HMGB1: variants seen among roughly 807,000 people sequenced by gnomAD.
HMGB1 encodes the protein high mobility group box 1, also known as high mobility group protein B1.
For missense variants in HMGB1, 79 were observed against 253.5 expected, an observed-to-expected ratio of 0.31 and a Z score of 4.67; for synonymous variants, 81 against 84.0, an observed-to-expected ratio of 0.96 and a Z score of 0.19.
intron 1 of HMGB1, among the ~76,000 whole-genome samples, chr13:30,561,971 T>C (rs1869971388): frequency 6.6e-6 from 1 of 152,168 alleles, no homozygotes; most frequent in Admixed American, 6.5e-5. Flanking sequence ...GGTAAAGGAC[T>C]GCATCATCTC....
At chr13:30,514,322 C>T (rs1355748842) in intron 1 of HMGB1, among the ~76,000 whole-genome samples, 2 of 148,124 alleles carry the variant, frequency 1.4e-5, no homozygotes, top group African/African-American at 5.0e-5. Flanking sequence ...CTAGCCATTG[C>T]TATTATTATC....
At chr13:30,466,942 A>G (rs772837517), upstream of HMGB1, among the ~76,000 whole-genome samples, 50 of 152,224 alleles carry the variant, frequency 3.3e-4, no homozygotes, top group Admixed American at 5.9e-4. Context: ...TAGTGCATCC[A>G]TGTAACTGCT....
rs780978991 is a variant in HMGB1 at position 30,463,588 on chromosome 13, G to A, written c.93C>T (p.His31=). The change falls in exon 2 of 5, where the codon CAC becomes CAT. Residue 31 remains histidine (H), a synonymous_variant. Transcript: ENST00000341423. ...CTGAGAAGTTGACTGAAGCATCTGG[G>A]TGCTTCTTCTTATGCTCCTCCCGAC... The part of the protein sequence containing the change: ...QTCREEHKKK[H]PDASVNFSEF... 6.2e-6 allele frequency: 10 copies of A among 1,607,946 alleles called. No homozygotes were observed. The highest frequency in any genetic ancestry group is 8.5e-6 in the Non-Finnish European group (10 of 1,176,836).
intron 1 of HMGB1, among the ~76,000 whole-genome samples, chr13:30,578,712 A>G (rs564072772): frequency 3.3e-5 from 5 of 152,282 alleles, no homozygotes; most frequent in Non-Finnish European, 4.4e-5. Flanking sequence ...AGCAAGGTGC[A>G]TAGGTCTTCA....
chr13:30,586,044 CA>C lies in HMGB1; in HGVS notation c.-15+30626del, dbSNP rs1481051416. 8.5e-5 allele frequency among the ~76,000 whole-genome samples: 13 copies of C among 152,240 alleles called. No homozygotes were observed. The East Asian group carries it at 2.5e-3, about 29-fold the overall frequency. On this transcript the variant is annotated intron_variant, in intron 1 of 4. Transcript: ENST00000405805. Reference sequence around the variant, plus strand: ...CGTTCATGCTGCCAAATCCAGCAGACACCTCCTGTTTTCTAATTTTTTTTAT... The same window carrying C: ...CGTTCATGCTGCCAAATCCAGCAGACCCTCCTGTTTTCTAATTTTTTTTAT...
chr13:30,603,589 C>T (rs112948881), intron 1 of HMGB1, among the ~76,000 whole-genome samples: 6 of 152,246 alleles, frequency 3.9e-5, no homozygotes, highest in African/African-American at 7.2e-5. Flanking sequence ...CCCTCAGTAT[C>T]TGTGGGGAAT....
intron 1 of HMGB1, among the ~76,000 whole-genome samples, chr13:30,611,826 T>C (rs960493318): frequency 8.0e-5 from 12 of 149,466 alleles, no homozygotes; most frequent in African/African-American, 3.0e-4. Context: ...CTTTAAAACA[T>C]CCTTTATTAA....
At chr13:30,496,863 A>G (rs900099272) in intron 1 of HMGB1, among the ~76,000 whole-genome samples, 1 of 151,984 alleles carries the variant, frequency 6.6e-6, no homozygotes, top group African/African-American at 2.4e-5. Flanking sequence ...CCATCAGATC[A>G]ATGCCTGCTC....
upstream of HMGB1, among the ~76,000 whole-genome samples, chr13:30,466,583 G>A (rs1026011475): frequency 6.6e-6 from 1 of 152,206 alleles, no homozygotes; most frequent in African/African-American, 2.4e-5. Context: ...AAGCCGTCAC[G>A]TCAGGCTCGC....
At chr13:30,464,589 G>A (rs897407467) in intron 1 of HMGB1, 8 of 984,062 alleles carry the variant, frequency 8.1e-6, no homozygotes, top group Non-Finnish European at 9.6e-6. Context: ...CCGCGCCGCC[G>A]CCGCCCCCAT....
At chr13:30,507,592 CT>C (rs1285333176) in intron 1 of HMGB1, among the ~76,000 whole-genome samples, 1 of 152,222 alleles carries the variant, frequency 6.6e-6, no homozygotes, top group African/African-American at 2.4e-5. Context: ...TTTCAAGAAA[CT>C]ACCCCACCTT....
chr13:30,465,988 C>T, upstream of HMGB1: 1 of 984,204 alleles, frequency 1.0e-6, no homozygotes, highest in Non-Finnish European at 1.2e-6. Flanking sequence ...ACGGGGCTCG[C>T]TCATTGGCCC....
chr13:30,575,959 C>G (rs1044696295), intron 1 of HMGB1, among the ~76,000 whole-genome samples: 1 of 152,136 alleles, frequency 6.6e-6, no homozygotes, highest in Admixed American at 6.5e-5. Context: ...TGGTAACATG[C>G]CATTTCCACT....
Position 30,488,645 on chromosome 13 carries a change from T to TTTA in HMGB1, c.-14-24954_-14-24952dup, listed in dbSNP as rs58604214. Among the ~76,000 whole-genome samples, 835 of 137,836 alleles carry TTTA rather than the reference T, an allele frequency of 6.1e-3. 3 individuals carry two copies. Among genetic ancestry groups the TTTA allele is most frequent in the African/African-American group, 0.011 (399 of 36,924 alleles). The allele number at this position is 137,836 out of a possible 152,430, so 90.4% of individuals were successfully genotyped here. Reference sequence around the variant, plus strand: ...GCTACAAGCCTGGCTAATTTTTAATTTTATTATTATTATTATTATTATTAT... The same window carrying TTTA: ...GCTACAAGCCTGGCTAATTTTTAATTTTATTATTATTATTATTATTATTATTAT... On this transcript the variant is annotated intron_variant, in intron 1 of 4. Coordinates refer to the HMGB1 transcript ENST00000405805.
At chr13:30,466,974 GT>G (rs1328671391), upstream of HMGB1, among the ~76,000 whole-genome samples, 2 of 152,194 alleles carry the variant, frequency 1.3e-5, no homozygotes, top group African/African-American at 2.4e-5. Flanking sequence ...GGAGTTGTAG[GT>G]ATATGGTTAC....
At chr13:30,504,246 C>A (rs979029566) in intron 1 of HMGB1, among the ~76,000 whole-genome samples, 1 of 152,178 alleles carries the variant, frequency 6.6e-6, no homozygotes, top group Admixed American at 6.5e-5. Flanking sequence ...GTGACAAAAG[C>A]TCCACCCAAA....
intron 1 of HMGB1, among the ~76,000 whole-genome samples, chr13:30,513,748 T>G (rs1019410557): frequency 6.6e-6 from 1 of 152,228 alleles, no homozygotes; most frequent in African/African-American, 2.4e-5. Flanking sequence ...TTAATCCATG[T>G]ATGGATTAAC....
intron 1 of HMGB1, among the ~76,000 whole-genome samples, chr13:30,598,915 TATATGC>T (rs1871736170): frequency 1.3e-5 from 2 of 152,004 alleles, no homozygotes; most frequent in Non-Finnish European, 2.9e-5. Context: ...GTATATATTA[TATATGC>T]ATATGCATAT....
chr13:30,613,994 TTAAA>T (rs1373666054), intron 1 of HMGB1, among the ~76,000 whole-genome samples: 2 of 151,970 alleles, frequency 1.3e-5, no homozygotes, highest in Non-Finnish European at 2.9e-5. Context: ...AGGAAATACC[TTAAA>T]TAATAACAGA....
Sources: allele counts gnomAD v4.1 joint callset (sites outside exome capture counted in the v4.1 genomes callset), GRCh38; gene constraint gnomAD v4.1.1; transcripts MANE v1.5; gene names NCBI Gene and HGNC (gene_info 2026-07-23, HGNC 2026-07-21).